The following CCDC102B variants were observed in gnomAD, a reference collection of about 807,000 sequenced individuals.
CCDC102B encodes the protein coiled-coil domain containing 102B.
In CCDC102B, 75 loss-of-function variants were observed where a neutral mutation model predicts 57.4. That is an observed-to-expected ratio of 1.31 (90% confidence interval 1.08 to 1.58). The LOEUF (loss-of-function observed/expected upper bound fraction) is 1.58, where lower values mean the gene tolerates loss of function less well. CCDC102B is among the 40% of genes most tolerant of loss of function. The pLI is 0.00. For missense variants in CCDC102B, 636 were observed against 582.6 expected, an observed-to-expected ratio of 1.09 and a Z score of -0.94; for synonymous variants, 206 against 201.9, an observed-to-expected ratio of 1.02 and a Z score of -0.17.
chr18:68,791,159 T>G (rs111243800), intron 2 of CCDC102B, among the ~76,000 whole-genome samples: 427 of 152,328 alleles, frequency 2.8e-3, no homozygotes, highest in East Asian at 0.017. Flanking sequence ...AGTTCTGTCT[T>G]GAAAGAGATT....
At chr18:68,931,951 A>C (rs2041687556) in intron 6 of CCDC102B, among the ~76,000 whole-genome samples, 2 of 151,128 alleles carry the variant, frequency 1.3e-5, no homozygotes, top group African/African-American at 4.8e-5. Context: ...GTATGTACAC[A>C]AAGTGGGTAT....
Position 68,842,477 on chromosome 18 carries a change from G to A in CCDC102B, c.827+3551G>A, listed in dbSNP as rs113703598. Among the ~76,000 whole-genome samples, 723 of 152,236 alleles carry A rather than the reference G, an allele frequency of 4.7e-3. 8 individuals are homozygous for A. Among genetic ancestry groups the A allele is most frequent in the African/African-American group, 0.016 (675 of 41,538 alleles). ...CTGTGCATAGATTATAAAAATGCCAGTAAGTCTCTACCAGGGTTTCCTTTG... is the reference window on the plus strand; with the variant it reads ...CTGTGCATAGATTATAAAAATGCCAATAAGTCTCTACCAGGGTTTCCTTTG... On this transcript the variant is annotated intron_variant, in intron 3 of 7. Transcript: ENST00000360242.
intron 6 of CCDC102B, among the ~76,000 whole-genome samples, chr18:68,963,385 G>A (rs2050091633): frequency 2.0e-5 from 3 of 151,872 alleles, no homozygotes; most frequent in Non-Finnish European, 4.4e-5. Flanking sequence ...GAGTGTAACA[G>A]GGAATTCATA....
rs564341740 is a variant in CCDC102B, at chr18:68,991,965, G to T, written c.1264-18969G>T. ...CACATAGAAAGACATACATAAATAT[G>T]ATGTAAAAAATATGATCTGGCTTAT... is the stretch of plus-strand genomic sequence containing the variant. On this transcript the variant is annotated intron_variant, in intron 6 of 7. Transcript: ENST00000360242. 6.6e-4 allele frequency among the ~76,000 whole-genome samples: 100 copies of T among 152,214 alleles called. No individual in the cohort carries two copies. The Middle Eastern group carries it at 0.017, about 26-fold the overall frequency.
At chr18:68,920,730 G>T (rs2041248525) in intron 6 of CCDC102B, among the ~76,000 whole-genome samples, 1 of 152,140 alleles carries the variant, frequency 6.6e-6, no homozygotes, top group Non-Finnish European at 1.5e-5. Context: ...CAGGGCAGCA[G>T]GACAGAGTAA....
At chr18:68,965,844 T>A (rs1467385028) in intron 6 of CCDC102B, among the ~76,000 whole-genome samples, 1 of 152,062 alleles carries the variant, frequency 6.6e-6, no homozygotes, top group East Asian at 1.9e-4. Context: ...AAAAGCTGGA[T>A]TTTTCTGACA....
chr18:68,876,691 G>T (rs1234983174), intron 5 of CCDC102B, among the ~76,000 whole-genome samples: 1 of 152,140 alleles, frequency 6.6e-6, no homozygotes, highest in Non-Finnish European at 1.5e-5. Context: ...ATTGAGGAAT[G>T]AAAGCAGGTT....
At chr18:68,757,825 T>C (rs2034105385) in intron 2 of CCDC102B, among the ~76,000 whole-genome samples, 1 of 152,200 alleles carries the variant, frequency 6.6e-6, no homozygotes, top group African/African-American at 2.4e-5. Context: ...ATACTTTACC[T>C]TACCTCTGTC....
chr18:68,782,411 C>G (rs974330828), intron 2 of CCDC102B, among the ~76,000 whole-genome samples: 1 of 152,116 alleles, frequency 6.6e-6, no homozygotes, highest in Non-Finnish European at 1.5e-5. Context: ...TTCCTCTTCT[C>G]TCTCAAAGGT....
At chr18:68,869,077 A>G (rs2039126519) in intron 4 of CCDC102B, among the ~76,000 whole-genome samples, 1 of 152,272 alleles carries the variant, frequency 6.6e-6, no homozygotes, top group Middle Eastern at 3.4e-3. Context: ...TCACCAAGAG[A>G]ACACAGAAAC....
rs1202688041 is a variant in CCDC102B at position 68,956,616 on chromosome 18, TATA to T, written c.1264-54314_1264-54312del. Among the ~76,000 whole-genome samples the T allele has an allele frequency of 3.4e-5, 3 of 88,870 alleles. 1 individual carries two copies. Among genetic ancestry groups the T allele is most frequent in the African/African-American group, 1.9e-4 (3 of 15,588 alleles). The allele number at this position is 88,870 out of a possible 152,430, so 58.3% of individuals were successfully genotyped here. On this transcript the variant is annotated intron_variant, in intron 6 of 7. Transcript: ENST00000360242. ...ATATATATTATATATATATAAAATATATAATATATATATCGCACCATACATATA... is the reference window on the plus strand; with the variant it reads ...ATATATATTATATATATATAAAATATATATATATATCGCACCATACATATA...
At chr18:68,915,226 G>A (rs1384440050) in intron 6 of CCDC102B, among the ~76,000 whole-genome samples, 1 of 152,242 alleles carries the variant, frequency 6.6e-6, no homozygotes, top group African/African-American at 2.4e-5. Context: ...GGCCTTGACA[G>A]CATGTGCAAG....
At chr18:68,740,650 G>A (rs2033340310) in intron 2 of CCDC102B, among the ~76,000 whole-genome samples, 1 of 152,208 alleles carries the variant, frequency 6.6e-6, no homozygotes, top group South Asian at 2.1e-4. Flanking sequence ...TGGCATTGGA[G>A]GTGGTGGAGT....
chr18:68,868,448 A>G (rs2039098962), intron 4 of CCDC102B, among the ~76,000 whole-genome samples: 1 of 152,184 alleles, frequency 6.6e-6, no homozygotes, highest in Non-Finnish European at 1.5e-5. Flanking sequence ...GCAATGATCC[A>G]AGGCGTAAAA....
intron 6 of CCDC102B, among the ~76,000 whole-genome samples, chr18:68,930,836 A>G (rs1416510783): frequency 6.6e-6 from 1 of 151,978 alleles, no homozygotes; most frequent in Non-Finnish European, 1.5e-5. Flanking sequence ...GACTTGTTGA[A>G]AAGTAAACAG....
chr18:68,908,015 A>G (rs1400968840), intron 6 of CCDC102B: 1 of 152,020 alleles, frequency 6.6e-6, no homozygotes, highest in Non-Finnish European at 1.5e-5. Context: ...ATTGCATTTC[A>G]TCATATGCTT....
At chr18:68,965,435 T>C (rs2050144249) in intron 6 of CCDC102B, among the ~76,000 whole-genome samples, 1 of 151,710 alleles carries the variant, frequency 6.6e-6, no homozygotes. Flanking sequence ...ATTGAGACTT[T>C]CTATTTTTTT....
At chr18:68,908,865 G>A (rs985848474) in intron 6 of CCDC102B, among the ~76,000 whole-genome samples, 2 of 152,052 alleles carry the variant, frequency 1.3e-5, no homozygotes, top group African/African-American at 4.8e-5. Flanking sequence ...ATTTATATGA[G>A]TGTATGAATG....
At position 69,002,962 on chromosome 18, in the gene CCDC102B, C is replaced by G. The variant is rs775819320; in HGVS notation, c.1264-7972C>G. 5.3e-5 allele frequency among the ~76,000 whole-genome samples: 8 copies of G among 152,174 alleles called. No individual in the cohort carries two copies. In the South Asian group the frequency reaches 6.2e-4, roughly 12 times the overall value. ...AGAGTTCTCCCACCTACCTGCAATA[C>G]CCTTCTCCCTCGAGTAAGTCAACTC... is the stretch of plus-strand genomic sequence containing the variant. On this transcript the variant is annotated intron_variant, in intron 6 of 7. Coordinates refer to ENST00000360242, the MANE Select transcript of CCDC102B (RefSeq NM_024781.3).
Sources: allele counts gnomAD v4.1 joint callset (sites outside exome capture counted in the v4.1 genomes callset), GRCh38; gene constraint gnomAD v4.1.1; transcripts MANE v1.5; gene names NCBI Gene and HGNC (gene_info 2026-07-23, HGNC 2026-07-21).